Variants in IL23R observed in about 807,000 individuals in gnomAD.
IL23R encodes interleukin-23 receptor.
Under a neutral mutation model 56.9 loss-of-function variants are expected in IL23R, and 34 were observed. The observed-to-expected ratio is 0.60, with a 90% CI of 0.45 to 0.80. The LOEUF is 0.80. Among genes scored for constraint, IL23R ranks in the 30% least tolerant of loss-of-function variants. The probability of loss-of-function intolerance (pLI) is 0.00; values close to 1 mark genes in which losing one functional copy is unlikely to be tolerated. For missense variants in IL23R, 635 were observed against 730.0 expected (o/e 0.87, Z 1.50); for synonymous variants, 230 against 249.2 (o/e 0.92, Z 0.73).
intron 7 of IL23R, among the ~76,000 whole-genome samples, chr1:67,231,663 TTAAC>T (rs1281217164): frequency 1.3e-5 from 2 of 152,182 alleles, no homozygotes; most frequent in African/African-American, 2.4e-5. Context: ...TGATGAAACA[TTAAC>T]TAGCCATAGC....
At chr1:67,222,864 C>A (rs1373117363) in intron 7 of IL23R, among the ~76,000 whole-genome samples, 1 of 152,176 alleles carries the variant, frequency 6.6e-6, no homozygotes, top group Admixed American at 6.5e-5. Context: ...ATTTTCCCCA[C>A]CATCCCTCAG....
At position 67,205,897 on chromosome 1, in the gene IL23R, TTC is replaced by T. The variant is rs1211060744; in HGVS notation, c.653-1011_653-1010del. ...CATCTTTCTTTCTTTCTTTCTTTCT[TTC>T]TTTCTTTCTTTCTTTCTTTCTTTCT... is the stretch of plus-strand genomic sequence containing the variant. On this transcript the variant is annotated intron_variant, in intron 5 of 10. Transcript: ENST00000347310. Among the ~76,000 whole-genome samples the T allele has an allele frequency of 4.1e-3, 507 of 124,048 alleles. 6 individuals are homozygous for T. Among genetic ancestry groups the T allele is most frequent in the African/African-American group, 0.013 (469 of 35,906 alleles). 81.4% of individuals were successfully genotyped at this position (124,048 alleles called of 152,430 possible). A position where few individuals can be genotyped will look rare whatever the true frequency, so the allele number is the denominator to read the frequency against.
chr1:67,173,214 GTTA>G (rs1470870534), intron 3 of IL23R, among the ~76,000 whole-genome samples: 5 of 152,182 alleles, frequency 3.3e-5, no homozygotes, highest in Non-Finnish European at 5.9e-5. Context: ...ACAACTTGAT[GTTA>G]TTATCATAAG....
chr1:67,144,816 T>G (rs1445770007), intron 1 of IL23R, among the ~76,000 whole-genome samples: 1 of 152,170 alleles, frequency 6.6e-6, no homozygotes, highest in Admixed American at 6.5e-5. Flanking sequence ...ATATCCAAAA[T>G]TTAAGTTATC....
chr1:67,220,145 G>A (rs1570875571), intron 7 of IL23R, among the ~76,000 whole-genome samples: 1 of 152,188 alleles, frequency 6.6e-6, no homozygotes, highest in African/African-American at 2.4e-5. Context: ...AAGGTGGGTG[G>A]ATTACCTTAG....
At chr1:67,241,500 C>T (rs931772627) in intron 9 of IL23R, among the ~76,000 whole-genome samples, 4 of 152,104 alleles carry the variant, frequency 2.6e-5, no homozygotes, top group Non-Finnish European at 5.9e-5. Context: ...AAAAAAAAAT[C>T]CCCCTTTTTG....
intron 7 of IL23R, among the ~76,000 whole-genome samples, chr1:67,222,364 G>A (rs958209616): frequency 4.6e-5 from 7 of 152,068 alleles, no homozygotes; most frequent in African/African-American, 1.4e-4. Context: ...TGATCCGCCC[G>A]CTTTGGCCTC....
At chr1:67,174,616 T>C (rs1298122349) in intron 3 of IL23R, among the ~76,000 whole-genome samples, 4 of 152,004 alleles carry the variant, frequency 2.6e-5, no homozygotes, top group Admixed American at 1.3e-4. Context: ...AGGGATGAAC[T>C]AAGAGAGCCA....
chr1:67,240,127 A>G, intron 8 of IL23R, 52 bp from the exon 9 acceptor site: 5 of 1,213,528 alleles, frequency 4.1e-6, no homozygotes, highest in African/African-American at 1.5e-5. Flanking sequence ...TAATTCTGGT[A>G]TCAAATGAAG....
chr1:67,225,535 A>G lies in IL23R; in HGVS notation c.955+5805A>G, dbSNP rs151152408. 4.1e-3 allele frequency among the ~76,000 whole-genome samples: 581 copies of G among 141,518 alleles called. 2 individuals are homozygous for G. Among genetic ancestry groups the G allele is most frequent in the Non-Finnish European group, 6.5e-3 (420 of 65,090 alleles). The allele number at this position is 141,518 out of a possible 152,430, so 92.8% of individuals were successfully genotyped here. ...CTTGGGCACTTTTTTTTTTTTTGAT[A>G]CAGTCTCGCTCTGTCACCCAGGCTA... On this transcript the variant is annotated intron_variant, in intron 7 of 10. Coordinates refer to ENST00000347310, the MANE Select transcript of IL23R (RefSeq NM_144701.3).
At chr1:67,208,601 C>T (rs12075103) in intron 6 of IL23R, among the ~76,000 whole-genome samples, 46,436 of 152,040 alleles carry the variant, frequency 0.31, 7,618 homozygotes, top group East Asian at 0.57. Context: ...GTTGAGCCTG[C>T]GGGTACACAG....
intron 4 of IL23R, among the ~76,000 whole-genome samples, chr1:67,193,030 T>C (rs1647864310): frequency 6.6e-6 from 1 of 152,104 alleles, no homozygotes; most frequent in African/African-American, 2.4e-5. Context: ...CTTCCAAAAC[T>C]CTCTGATTTT....
At chr1:67,179,454 G>A (rs1188411883) in intron 3 of IL23R, among the ~76,000 whole-genome samples, 1 of 151,980 alleles carries the variant, frequency 6.6e-6, no homozygotes, top group East Asian at 1.9e-4. Flanking sequence ...CTGTGGGATC[G>A]GTGGTGATAT....
chr1:67,177,396 G>T (rs1647025254), intron 3 of IL23R, among the ~76,000 whole-genome samples: 3 of 152,120 alleles, frequency 2.0e-5, no homozygotes, highest in Middle Eastern at 3.4e-3. Context: ...TCATGTGTCT[G>T]TTGGCTGCAT....
chr1:67,237,792 C>T (rs570459813), intron 8 of IL23R, among the ~76,000 whole-genome samples: 37 of 152,262 alleles, frequency 2.4e-4, no homozygotes, highest in African/African-American at 7.7e-4. Context: ...ACTGACAGAC[C>T]ATTTATCTCC....
chr1:67,228,011 TTTCTTTCTTC>T (rs1650783842), intron 7 of IL23R, among the ~76,000 whole-genome samples: 1 of 96,264 alleles, frequency 1.0e-5, no homozygotes, highest in African/African-American at 4.3e-5. Flanking sequence ...TCTTTCTTTC[TTTCTTTCTTC>T]CTTTCTTTCT....
intron 4 of IL23R, among the ~76,000 whole-genome samples, chr1:67,194,137 C>T (rs1041790725): frequency 1.3e-5 from 2 of 152,176 alleles, no homozygotes; most frequent in Non-Finnish European, 2.9e-5. Flanking sequence ...CAGGCATCCT[C>T]ATATGTTCAG....
chr1:67,214,894 A>G (rs756933915), intron 6 of IL23R, among the ~76,000 whole-genome samples: 2 of 152,248 alleles, frequency 1.3e-5, no homozygotes, highest in African/African-American at 2.4e-5. Flanking sequence ...AAAACCCAGT[A>G]GTTAAAAATC....
chr1:67,186,344 C>G lies in IL23R; in HGVS notation c.491+3385C>G, dbSNP rs1186584104. On this transcript the variant is annotated intron_variant, in intron 4 of 10. Coordinates refer to ENST00000347310, the MANE Select transcript of IL23R (RefSeq NM_144701.3). Reference sequence around the variant, plus strand: ...TCTTTCTTTTATTTTTAATATAACCCTTTATTAAGTATAATTCATCTACCA... The same window carrying G: ...TCTTTCTTTTATTTTTAATATAACCGTTTATTAAGTATAATTCATCTACCA... Among the ~76,000 whole-genome samples, 5 of 152,130 alleles carry G rather than the reference C, an allele frequency of 3.3e-5. No individual in the cohort carries two copies. The South Asian group carries it at 6.2e-4, about 19-fold the overall frequency.
Sources: gnomAD v4.1 joint callset for allele counts (sites outside exome capture counted in the v4.1 genomes callset) on GRCh38, gnomAD v4.1.1 for gene constraint, MANE v1.5 for transcripts, NCBI Gene and HGNC (gene_info 2026-07-23, HGNC 2026-07-21) for gene names.